Variants in RNASEL observed in about 807,000 individuals in gnomAD.
RNASEL encodes the protein 2-5A-dependent ribonuclease.
RNASEL carries 36 observed loss-of-function variants against 50.9 expected under a neutral mutation model. The ratio of observed to expected loss-of-function variants is 0.71; its 90% CI spans 0.54 to 0.93. The LOEUF is 0.93. RNASEL is among the 40% of genes least tolerant of loss of function. RNASEL has a pLI of 0.00. For synonymous variants in RNASEL, 335 were observed against 335.6 expected (o/e 1.00, Z 0.02); for missense variants, 860 against 894.5 (o/e 0.96, Z 0.49).
rs370984239 is a variant in RNASEL, at chr1:182,585,735, T to A, written c.1072A>T (p.Ile358Phe). 3.8e-5 allele frequency: 61 copies of A among 1,613,938 alleles called. No homozygotes were observed. Among genetic ancestry groups the A allele is most frequent in the Non-Finnish European group, 4.7e-5 (56 of 1,180,038 alleles). The change falls in exon 2 of 7, where the codon ATT (isoleucine) becomes TTT (phenylalanine). Residue 358 changes from isoleucine to phenylalanine, a missense_variant. Physicochemically the swap from Ile to Phe is conservative, Grantham distance 21. Coordinates refer to ENST00000367559, the MANE Select transcript of RNASEL (RefSeq NM_021133.4). ...KDLHRIYRPM[I>F]GKLKFFIDEK... Reference sequence around the variant, plus strand: ...TCAATAAAGAACTTGAGTTTGCCAATCATAGGGCGGTATATTCTGTGGAGA... The same window carrying A: ...TCAATAAAGAACTTGAGTTTGCCAAACATAGGGCGGTATATTCTGTGGAGA...
rs779087511 is a variant in RNASEL at position 182,586,266 on chromosome 1, C to G, written c.541G>C (p.Val181Leu). The G allele has an allele frequency of 6.2e-7, 1 of 1,614,204 alleles. No homozygotes were observed. The highest frequency in any genetic ancestry group is 1.1e-5 in the South Asian group (1 of 91,082). The change falls in exon 2 of 7, where the codon GTA (valine) becomes CTA (leucine). Residue 181 changes from valine to leucine, a missense_variant. Physicochemically the swap from Val to Leu is conservative, Grantham distance 32. Coordinates refer to ENST00000367559, the MANE Select transcript of RNASEL (RefSeq NM_021133.4). ...ALMDAAEKGH[V>L]EVLKILLDEM... is the part of the protein sequence containing the mutation. ...TCAAGGAGAATCTTCAAGACCTCTA[C>G]GTGTCCTTTTTCAGCAGCGTCCATG...
At chr1:182,584,267 T>C (rs1318314831) in intron 2 of RNASEL, 101 bp from the exon 3 acceptor site, 16 of 830,204 alleles carry the variant, frequency 1.9e-5, no homozygotes, top group Non-Finnish European at 3.1e-5. Flanking sequence ...AAAATCATCA[T>C]CTCTGTGGAA....
chr1:182,576,094 G>T (rs111807215), intron 6 of RNASEL, among the ~76,000 whole-genome samples, 162 bp downstream of exon 6: 1 of 152,206 alleles, frequency 6.6e-6, no homozygotes, highest in African/African-American at 2.4e-5. Context: ...CTCATTAATT[G>T]TAAGGCAACA....
In RNASEL at chr1:182,582,221, C is replaced by T. The variant is rs1558472723; in HGVS notation, c.1604G>A (p.Gly535Glu). ...GRLVLYVVKK[G>E]SISFEDLKAQ... ...TTTCAGATCCTCAAATGAGATGCTT[C>T]CCTTCTTTACCACATAGAGGACCAG... Residue 535 changes from glycine to glutamate, a missense_variant, in exon 4 of 7, where the codon GGA (glycine) becomes GAA (glutamate). Transcript: ENST00000367559. 1.2e-6 allele frequency: 2 copies of T among 1,614,156 alleles called. No individual in the cohort carries two copies. Among genetic ancestry groups the T allele is most frequent in the Non-Finnish European group, 1.7e-6 (2 of 1,180,000 alleles).
At chr1:182,587,209 T>G (rs1012046077) in intron 1 of RNASEL, among the ~76,000 whole-genome samples, 1 of 152,152 alleles carries the variant, frequency 6.6e-6, no homozygotes. Flanking sequence ...TTTTAAGACA[T>G]TTGGAATTAT....
rs1358876698 is a variant in RNASEL at position 182,575,060 on chromosome 1, T to A, written c.*332A>T. 1.3e-5 allele frequency: 5 copies of A among 387,824 alleles called. No homozygotes were observed. Among genetic ancestry groups the A allele is most frequent in the African/African-American group, 6.0e-5 (3 of 49,684 alleles). 24.0% of individuals were successfully genotyped at this position (387,824 alleles called of 1,614,324 possible). ...GTTCTTAAATGGGGATGATAATCCC[T>A]GTTTTGCAAGATCATTGGGAAAATT... On this transcript the variant is annotated 3_prime_UTR_variant, in exon 7 of 7. Coordinates refer to ENST00000367559, the MANE Select transcript of RNASEL (RefSeq NM_021133.4).
chr1:182,587,148 C>T lies in RNASEL; in HGVS notation c.-164-178G>A, dbSNP rs558975978. Among the ~76,000 whole-genome samples, 421 of 151,780 alleles carry T rather than the reference C, an allele frequency of 2.8e-3. 8 individuals are homozygous for T. The highest frequency in any genetic ancestry group is 1.0e-2 in the African/African-American group (414 of 41,406). On this transcript the variant is annotated intron_variant, in intron 1 of 6. Coordinates refer to ENST00000367559, the MANE Select transcript of RNASEL (RefSeq NM_021133.4). Reference sequence around the variant, plus strand: ...AAATAAGAAAATTATTTCTCTAGTCCCAATGCCCAGAAACAGCCAATGTTA... The same window carrying T: ...AAATAAGAAAATTATTTCTCTAGTCTCAATGCCCAGAAACAGCCAATGTTA...
chr1:182,582,074 G>C lies in RNASEL; in HGVS notation c.1751C>G (p.Pro584Arg). 1.9e-6 allele frequency: 3 copies of C among 1,614,156 alleles called. No individual in the cohort carries two copies. Among genetic ancestry groups the C allele is most frequent in the Non-Finnish European group, 2.5e-6 (3 of 1,180,024 alleles). ...RDCLSDLLGHPFFWTWESRYR... is the reference protein window; with the variant it reads ...RDCLSDLLGHRFFWTWESRYR... ...TTACCTCTCCCAAGTCCAAAAGAAG[G>C]GATGACCCAGCAGGTCACTCAGACA... The change falls in exon 4 of 7, where the codon CCC becomes CGC. Residue 584 changes from proline (P) to arginine (R), a missense_variant. Pro to Arg is a moderately radical substitution (Grantham distance 103). Transcript: ENST00000367559.
chr1:182,581,392 C>A (rs144273746), intron 4 of RNASEL, 35 bp from the exon 5 acceptor site: 1 of 1,591,360 alleles, frequency 6.3e-7, no homozygotes. Context: ...TGATCATGAT[C>A]ATCCCATCCC....
intron 5 of RNASEL, chr1:182,580,057 G>A: frequency 2.3e-6 from 1 of 439,322 alleles, no homozygotes; most frequent in Non-Finnish European, 4.6e-6. Context: ...GATTAAATGT[G>A]GTAACTCATG....
chr1:182,579,961 T>G, intron 5 of RNASEL: 1 of 457,242 alleles, frequency 2.2e-6, no homozygotes, highest in Non-Finnish European at 4.4e-6. Flanking sequence ...CCCTTACTGG[T>G]TCTGTGTAGT....
intron 5 of RNASEL, among the ~76,000 whole-genome samples, chr1:182,577,471 A>T (rs1185781328): frequency 6.6e-6 from 1 of 152,228 alleles, no homozygotes; most frequent in Admixed American, 6.5e-5. Flanking sequence ...ACCATGGCCA[A>T]AGTGAACGGT....
chr1:182,581,771 C>T (rs1014037695), intron 4 of RNASEL, among the ~76,000 whole-genome samples: 4 of 152,126 alleles, frequency 2.6e-5, no homozygotes, highest in East Asian at 1.9e-4. Context: ...TGAGCCACCG[C>T]GCCTGGCTAG....
intron 2 of RNASEL, 142 bp from the exon 3 acceptor site, chr1:182,584,308 C>A: frequency 1.5e-6 from 1 of 684,774 alleles, no homozygotes. Context: ...CTGTATTTGC[C>A]ATTCACCCCT....
At position 182,586,937 on chromosome 1, in the gene RNASEL, A is replaced by C; in HGVS notation, c.-131T>G. The C allele has an allele frequency of 8.2e-7, 1 of 1,213,580 alleles. No individual in the cohort carries two copies. Among genetic ancestry groups the C allele is most frequent in the South Asian group, 1.2e-5 (1 of 81,418 alleles). 75.2% of individuals were successfully genotyped at this position (1,213,580 alleles called of 1,614,324 possible). Reference sequence around the variant, plus strand: ...CTGGCAACAGAGCAGCAGTATGAAGAAGGAACAATGTTCTCAGTCTTCTGA... The same window carrying C: ...CTGGCAACAGAGCAGCAGTATGAAGCAGGAACAATGTTCTCAGTCTTCTGA... On this transcript the variant is annotated 5_prime_UTR_variant, in exon 2 of 7. Coordinates refer to ENST00000367559, the MANE Select transcript of RNASEL (RefSeq NM_021133.4).
Position 182,586,810 on chromosome 1 carries a change from G to C in RNASEL, c.-4C>G, listed in dbSNP as rs746334385. On this transcript the variant is annotated 5_prime_UTR_variant, in exon 2 of 7. Coordinates refer to ENST00000367559, the MANE Select transcript of RNASEL (RefSeq NM_021133.4). ...TGTTATGATCCCTGCTCTCCATGAC[G>C]GTAAATGCCACCTGCTACCACTTTT... 1 of 1,613,910 alleles carries C rather than the reference G, an allele frequency of 6.2e-7. No homozygotes were observed. Among genetic ancestry groups the C allele is most frequent in the Non-Finnish European group, 8.5e-7 (1 of 1,180,036 alleles).
intron 5 of RNASEL, among the ~76,000 whole-genome samples, chr1:182,580,973 G>A (rs1002536556): frequency 6.6e-6 from 1 of 152,154 alleles, no homozygotes; most frequent in Non-Finnish European, 1.5e-5. Context: ...GGCCATCCAG[G>A]GGGAGCCTGA....
Position 182,576,379 on chromosome 1 carries a change from C to T in RNASEL, c.1916G>A (p.Cys639Tyr), listed in dbSNP as rs908676826. The change falls in exon 6 of 7, where the codon TGT (cysteine) becomes TAT (tyrosine). Residue 639 changes from cysteine to tyrosine, a missense_variant. Transcript: ENST00000367559. ...AAACTTATTCATTTTTTTCATAACA[C>T]ATTCATTAATCTAAAAAAACAAAAA... ...FDKWTTKINE[C>Y]VMKKMNKFYE... is the part of the protein sequence containing the mutation. 1.3e-6 allele frequency: 2 copies of T among 1,574,390 alleles called. No individual in the cohort carries two copies. The highest frequency in any genetic ancestry group is 1.3e-5 in the African/African-American group (1 of 74,148).
chr1:182,575,362 T>C lies in RNASEL; in HGVS notation c.*30A>G, dbSNP rs761184370. On this transcript the variant is annotated 3_prime_UTR_variant, in exon 7 of 7. Coordinates refer to ENST00000367559, the MANE Select transcript of RNASEL (RefSeq NM_021133.4). The stretch of plus-strand genomic sequence containing the variant: ...TGCCAAGGACTCTACAGCTAATAAG[T>C]AGTTCCCTGAACTCCAGCAAATCAG... The C allele has an allele frequency of 7.5e-6, 12 of 1,605,778 alleles. No homozygotes were observed. Among genetic ancestry groups the C allele is most frequent in the Non-Finnish European group, 1.0e-5 (12 of 1,173,198 alleles).
Sources: allele counts gnomAD v4.1 joint callset (sites outside exome capture counted in the v4.1 genomes callset), GRCh38; gene constraint gnomAD v4.1.1; transcripts MANE v1.5; gene names NCBI Gene and HGNC (gene_info 2026-07-23, HGNC 2026-07-21).